The following MTHFD2L variants were observed in gnomAD, a reference collection of about 807,000 sequenced individuals.
MTHFD2L encodes bifunctional methylenetetrahydrofolate dehydrogenase/cyclohydrolase 2, mitochondrial.
A neutral mutation model predicts 34.9 loss-of-function variants in MTHFD2L; 29 were observed. That is an observed-to-expected ratio of 0.83 (90% CI 0.62 to 1.13). The LOEUF (loss-of-function observed/expected upper bound fraction) is 1.13. Ranked by LOEUF, MTHFD2L falls within the 50% of genes most tolerant of loss-of-function variation. The pLI is 0.00. For synonymous variants in MTHFD2L, 167 were observed against 155.7 expected (o/e 1.07, Z -0.54); for missense variants, 481 against 446.5 (o/e 1.08, Z -0.70).
intron 7 of MTHFD2L, among the ~76,000 whole-genome samples, chr4:74,282,780 C>A (rs1747669175): frequency 6.6e-6 from 1 of 152,124 alleles, no homozygotes; most frequent in Non-Finnish European, 1.5e-5. Context: ...GGGTCTCTGA[C>A]ATGGTTGGAA....
chr4:74,280,410 C>G (rs368093803), intron 6 of MTHFD2L: 1 of 152,200 alleles, frequency 6.6e-6, no homozygotes, highest in South Asian at 2.1e-4. Flanking sequence ...CTTAGCTATG[C>G]TCCCAGCCAA....
At chr4:74,195,480 T>C (rs1355218700) in intron 3 of MTHFD2L, 2 of 152,184 alleles carry the variant, frequency 1.3e-5, no homozygotes, top group Admixed American at 6.5e-5. Context: ...GTGCTAGATA[T>C]ATTATTATGA....
intron 6 of MTHFD2L, 95 bp from the exon 7 acceptor site, chr4:74,281,324 CGTGTGT>C: frequency 6.5e-5 from 56 of 866,340 alleles, no homozygotes; most frequent in Non-Finnish European, 8.7e-5. Context: ...ATTACACATA[CGTGTGT>C]GTGTGTGTGT....
At chr4:74,241,025 A>C (rs1490162539) in intron 6 of MTHFD2L, among the ~76,000 whole-genome samples, 1 of 152,212 alleles carries the variant, frequency 6.6e-6, no homozygotes, top group African/African-American at 2.4e-5. Context: ...TAGGGATACT[A>C]AAATAGAGGA....
intron 1 of MTHFD2L, among the ~76,000 whole-genome samples, chr4:74,131,628 C>T (rs1722510124): frequency 6.6e-6 from 1 of 152,058 alleles, no homozygotes; most frequent in African/African-American, 2.4e-5. Flanking sequence ...GCTATAAATG[C>T]CCAAGAAGAA....
rs1744905896 is a variant in MTHFD2L at position 74,263,316 on chromosome 4, CT to C, written c.806-18103del. 2.0e-5 allele frequency among the ~76,000 whole-genome samples: 3 copies of C among 151,950 alleles called. No individual in the cohort carries two copies. In the South Asian group the frequency reaches 6.2e-4, roughly 31 times the overall value. The stretch of plus-strand genomic sequence containing the variant: ...TAAGATTGCCTTGGCTATTTGAGCT[CT>C]TTTTTGGTTCCATATGAATTTTACA... On this transcript the variant is annotated intron_variant, in intron 6 of 7. Transcript: ENST00000325278.
intron 3 of MTHFD2L, among the ~76,000 whole-genome samples, chr4:74,179,553 T>C (rs1729705909): frequency 6.6e-6 from 1 of 152,080 alleles, no homozygotes; most frequent in Non-Finnish European, 1.5e-5. Flanking sequence ...GTATATACAG[T>C]CTGAATTTAT....
chr4:74,274,768 A>G (rs1746403696), intron 6 of MTHFD2L, among the ~76,000 whole-genome samples: 1 of 152,186 alleles, frequency 6.6e-6, no homozygotes. Context: ...GTGAGGTCAC[A>G]TTAGTAGCTT....
chr4:74,234,023 A>G (rs966602434), intron 6 of MTHFD2L, among the ~76,000 whole-genome samples: 6 of 152,072 alleles, frequency 3.9e-5, no homozygotes, highest in South Asian at 2.1e-4. Context: ...AACAATTTAT[A>G]TCAAAGATCT....
At chr4:74,258,965 A>G (rs539961973) in intron 6 of MTHFD2L, among the ~76,000 whole-genome samples, 15 of 152,346 alleles carry the variant, frequency 9.8e-5, no homozygotes, top group Middle Eastern at 3.4e-3. Context: ...GACTTTAGAA[A>G]TTCATCATGG....
intron 1 of MTHFD2L, among the ~76,000 whole-genome samples, chr4:74,126,662 C>T (rs945416231): frequency 6.6e-6 from 1 of 151,980 alleles, no homozygotes; most frequent in African/African-American, 2.4e-5. Flanking sequence ...AGAAGCACCC[C>T]CTACCAGTAT....
At chr4:74,163,929 G>A (rs1041179024) in intron 1 of MTHFD2L, among the ~76,000 whole-genome samples, 1 of 152,200 alleles carries the variant, frequency 6.6e-6, no homozygotes, top group African/African-American at 2.4e-5. Context: ...AGGCTGGAGT[G>A]CAATAGCACG....
Position 74,225,289 on chromosome 4 carries a change from T to C in MTHFD2L, c.713-13T>C. 1 of 1,599,848 alleles carries C rather than the reference T, an allele frequency of 6.3e-7. No individual in the cohort carries two copies. Reference sequence around the variant, plus strand: ...GTTCAGTAATCACTGATAGAAATTCTTCTGTATTCCAGGTGATGCAACTGT... The same window carrying C: ...GTTCAGTAATCACTGATAGAAATTCCTCTGTATTCCAGGTGATGCAACTGT... On this transcript the variant is annotated splice_polypyrimidine_tract_variant and intron_variant, in intron 5 of 7. Transcript: ENST00000325278.
intron 6 of MTHFD2L, among the ~76,000 whole-genome samples, chr4:74,263,242 A>G (rs1744897066): frequency 6.6e-6 from 1 of 151,958 alleles, no homozygotes; most frequent in African/African-American, 2.4e-5. Context: ...CCCTGTAAAT[A>G]TAATTTGAAG....
intron 1 of MTHFD2L, among the ~76,000 whole-genome samples, chr4:74,151,735 AG>A (rs1198833881): frequency 6.6e-6 from 1 of 152,242 alleles, no homozygotes; most frequent in African/African-American, 2.4e-5. Context: ...TTGGATTAAT[AG>A]ATTATTTTAG....
chr4:74,187,800 TACACACACAC>T (rs61173269), intron 3 of MTHFD2L, among the ~76,000 whole-genome samples: 3,884 of 144,350 alleles, frequency 0.027, 67 homozygotes, highest in African/African-American at 0.044. Context: ...CCTGTGTATT[TACACACACAC>T]ACACACACAC....
intron 6 of MTHFD2L, among the ~76,000 whole-genome samples, chr4:74,263,719 G>A (rs991704676): frequency 6.6e-6 from 1 of 151,972 alleles, no homozygotes; most frequent in South Asian, 2.1e-4. Flanking sequence ...AGCTTAATAA[G>A]CTTTCTGGCT....
At chr4:74,256,850 T>C (rs1744089261) in intron 6 of MTHFD2L, among the ~76,000 whole-genome samples, 1 of 152,198 alleles carries the variant, frequency 6.6e-6, no homozygotes, top group South Asian at 2.1e-4. Context: ...TATGGCTGTA[T>C]AGGTTGAAGT....
intron 6 of MTHFD2L, chr4:74,267,296 TTTC>T (rs1428542518): frequency 1.5e-5 from 13 of 847,332 alleles, no homozygotes; most frequent in Non-Finnish European, 1.7e-5. Flanking sequence ...ATTCTTTTCT[TTTC>T]TTTTCTTTTC....
Sources: allele counts gnomAD v4.1 joint callset (sites outside exome capture counted in the v4.1 genomes callset), GRCh38; gene constraint gnomAD v4.1.1; transcripts MANE v1.5; gene names NCBI Gene and HGNC (gene_info 2026-07-23, HGNC 2026-07-21).